Variants in TPD52 observed in about 807,000 individuals in gnomAD.
The protein encoded by TPD52 is tumor protein D52.
TPD52 carries 17 observed loss-of-function variants against 31.3 expected under a neutral mutation model. That is an observed-to-expected ratio of 0.54 (90% CI 0.37 to 0.82). The LOEUF (loss-of-function observed/expected upper bound fraction) is 0.82, where lower values mean the gene tolerates loss of function less well. Ranked by LOEUF, TPD52 falls within the 40% of genes least tolerant of loss-of-function variation. TPD52 has a pLI of 0.00. For synonymous variants in TPD52, 83 were observed against 89.6 expected (o/e 0.93, Z 0.42); for missense variants, 212 against 240.1 (o/e 0.88, Z 0.77).
intron 1 of TPD52, among the ~76,000 whole-genome samples, chr8:80,146,140 A>G (rs1024900231): frequency 2.0e-5 from 3 of 152,254 alleles, no homozygotes; most frequent in Admixed American, 1.3e-4. Context: ...CAGAGGGGAC[A>G]AAGAATGCTG....
chr8:80,064,012 A>G (rs1812840586), intron 2 of TPD52, among the ~76,000 whole-genome samples: 1 of 124,628 alleles, frequency 8.0e-6, no homozygotes, highest in Non-Finnish European at 1.7e-5. Flanking sequence ...AAGAGAGGGG[A>G]AGGAAGGAAG....
At chr8:80,164,032 G>C (rs1306259903) in intron 1 of TPD52, among the ~76,000 whole-genome samples, 6 of 142,828 alleles carry the variant, frequency 4.2e-5, no homozygotes, top group Non-Finnish European at 7.6e-5. Context: ...GACAGAGAGA[G>C]AGAGAGAGAG....
intron 1 of TPD52, among the ~76,000 whole-genome samples, chr8:80,151,503 A>C (rs1423657855): frequency 2.0e-5 from 3 of 152,248 alleles, no homozygotes; most frequent in Non-Finnish European, 4.4e-5. Flanking sequence ...AGACCACACC[A>C]AAGTGAGTCA....
intron 6 of TPD52, 197 bp from the exon 7 acceptor site, chr8:80,042,865 G>A: frequency 2.1e-6 from 1 of 468,402 alleles, no homozygotes; most frequent in Non-Finnish European, 3.7e-6. Context: ...TATTTTAAGA[G>A]TATGCATTTG....
At chr8:80,085,264 T>C (rs1396083128) in intron 1 of TPD52, among the ~76,000 whole-genome samples, 1 of 152,192 alleles carries the variant, frequency 6.6e-6, no homozygotes, top group African/African-American at 2.4e-5. Flanking sequence ...AAAGTGCGTA[T>C]GTACTGCAGG....
At chr8:80,133,249 C>T (rs545776189) in intron 1 of TPD52, among the ~76,000 whole-genome samples, 3 of 152,138 alleles carry the variant, frequency 2.0e-5, no homozygotes, top group Non-Finnish European at 4.4e-5. Flanking sequence ...CAATAATTAT[C>T]GGCCCCTCTT....
chr8:80,065,918 TCTC>T (rs975291634), intron 1 of TPD52, among the ~76,000 whole-genome samples: 3 of 150,154 alleles, frequency 2.0e-5, no homozygotes, highest in African/African-American at 7.4e-5. Flanking sequence ...GATTACAAAG[TCTC>T]CTCTGGCAAC....
At chr8:80,159,570 T>C (rs1811213028) in intron 1 of TPD52, among the ~76,000 whole-genome samples, 1 of 152,192 alleles carries the variant, frequency 6.6e-6, no homozygotes. Context: ...CTGAAAAAGT[T>C]ATTACTCTGT....
In TPD52 at chr8:80,164,778, T is replaced by C. The variant is rs569778078; in HGVS notation, c.19+6647A>G. 1.4e-4 allele frequency among the ~76,000 whole-genome samples: 14 copies of C among 96,768 alleles called. No individual in the cohort carries two copies. The South Asian group carries it at 4.6e-3, about 32-fold the overall frequency. 63.5% of individuals were successfully genotyped at this position (96,768 alleles called of 152,430 possible). A position where few individuals can be genotyped will look rare whatever the true frequency, so the allele number is the denominator to read the frequency against. ...GCACGCACCTGTAATCCCAGCTACTTGGGAGGCTGAACAAGAACTGCTCGA... is the reference window on the plus strand; with the variant it reads ...GCACGCACCTGTAATCCCAGCTACTCGGGAGGCTGAACAAGAACTGCTCGA... On this transcript the variant is annotated intron_variant, in intron 1 of 7. Transcript: ENST00000518937.
intron 1 of TPD52, among the ~76,000 whole-genome samples, chr8:80,084,128 C>G (rs1815546657): frequency 6.6e-6 from 1 of 152,180 alleles, no homozygotes. Flanking sequence ...GTTTTTCCTT[C>G]TGGGAGGGAC....
At chr8:80,065,784 TTTTC>T (rs1813074184) in intron 1 of TPD52, among the ~76,000 whole-genome samples, 1 of 152,184 alleles carries the variant, frequency 6.6e-6, no homozygotes, top group Non-Finnish European at 1.5e-5. Context: ...TTATTCATGA[TTTTC>T]TTTTACATTA....
intron 1 of TPD52, among the ~76,000 whole-genome samples, chr8:80,112,776 C>G (rs570970735): frequency 6.6e-6 from 1 of 152,128 alleles, no homozygotes; most frequent in South Asian, 2.1e-4. Flanking sequence ...AATATTCGAC[C>G]TGGCTTTCTA....
At chr8:80,136,609 A>T (rs1253335793) in intron 1 of TPD52, among the ~76,000 whole-genome samples, 1 of 150,856 alleles carries the variant, frequency 6.6e-6, no homozygotes, top group Non-Finnish European at 1.5e-5. Context: ...CTGTTCTACT[A>T]CTTTGTTCTT....
intron 1 of TPD52, among the ~76,000 whole-genome samples, chr8:80,127,196 C>CAATT (rs768632442): frequency 1.3e-5 from 2 of 151,948 alleles, no homozygotes; most frequent in Non-Finnish European, 2.9e-5. Context: ...GTCAAACAAT[C>CAATT]AATTGACTCA....
intron 7 of TPD52, among the ~76,000 whole-genome samples, chr8:80,038,645 G>T (rs148825635): frequency 7.9e-5 from 12 of 152,286 alleles, no homozygotes; most frequent in African/African-American, 2.6e-4. Flanking sequence ...ACATGGGAAA[G>T]AAATATATGT....
At chr8:80,149,555 C>G (rs1047752381) in intron 1 of TPD52, among the ~76,000 whole-genome samples, 1 of 152,170 alleles carries the variant, frequency 6.6e-6, no homozygotes, top group African/African-American at 2.4e-5. Flanking sequence ...GGGTAACAGG[C>G]AGAGGTTGGA....
chr8:80,042,195 G>C, intron 7 of TPD52: 1 of 985,278 alleles, frequency 1.0e-6, no homozygotes, highest in Non-Finnish European at 1.2e-6. Flanking sequence ...CTTTTTTAAA[G>C]CGTAACAGCA....
At chr8:80,115,417 G>T (rs1807796853) in intron 1 of TPD52, among the ~76,000 whole-genome samples, 1 of 152,220 alleles carries the variant, frequency 6.6e-6, no homozygotes. Context: ...ACGAAAAGCA[G>T]AGCAAGAGAG....
rs200078173 is a variant in TPD52, at chr8:80,104,584, C to CA, written c.20-39992dup. ...CTATTTAAAAAAAAAAAAACAACAA[C>CA]AAAAAAAACAGAAATGAGAAGTATT... is the stretch of plus-strand genomic sequence containing the variant. On this transcript the variant is annotated intron_variant, in intron 1 of 7. Transcript: ENST00000518937. 8.6e-3 allele frequency among the ~76,000 whole-genome samples: 1,258 copies of CA among 146,348 alleles called. 40 individuals are homozygous for CA. The highest frequency in any genetic ancestry group is 0.071 in the East Asian group (355 of 4,982).
Sources: allele counts gnomAD v4.1 joint callset (sites outside exome capture counted in the v4.1 genomes callset), GRCh38; gene constraint gnomAD v4.1.1; transcripts MANE v1.5; gene names NCBI Gene and HGNC (gene_info 2026-07-23, HGNC 2026-07-21).